The following CASZ1 variants were observed in gnomAD, a reference collection of about 807,000 sequenced individuals.
CASZ1 encodes the protein castor zinc finger 1, also known as zinc finger protein castor homolog 1.
In CASZ1, 28 loss-of-function variants were observed where a neutral mutation model predicts 135.2. That is an observed-to-expected ratio of 0.21 (90% CI 0.15 to 0.28). The LOEUF is 0.28. Ranked by LOEUF, CASZ1 falls within the 10% of genes least tolerant of loss-of-function variation. The pLI, the probability that CASZ1 is intolerant of heterozygous loss-of-function variation, is 1.00. For synonymous variants in CASZ1, 1,068 were observed against 1,073.4 expected, an observed-to-expected ratio of 0.99 and a Z score of 0.10; for missense variants, 2,161 against 2,453.3, an observed-to-expected ratio of 0.88 and a Z score of 2.52.
chr1:10,791,825 T>C (rs1416399390), intron 1 of CASZ1, among the ~76,000 whole-genome samples: 1 of 152,130 alleles, frequency 6.6e-6, no homozygotes, highest in East Asian at 1.9e-4. Context: ...AAGAAAGTCA[T>C]TAATTACTTA....
chr1:10,704,567 G>C (rs1220813337), intron 3 of CASZ1: 3 of 152,264 alleles, frequency 2.0e-5, no homozygotes, highest in Non-Finnish European at 4.4e-5. Flanking sequence ...GTCCTCCTGG[G>C]GGGAAGGGGG....
Position 10,639,898 on chromosome 1 carries a change from C to T in CASZ1, c.4324G>A (p.Asp1442Asn). Residue 1442 changes from aspartate (D) to asparagine (N), a missense_variant, in exon 21 of 21, where the codon GAC becomes AAC. Asp to Asn is a conservative substitution (Grantham distance 23). Around this residue, in one of 7 missense-constraint regions of CASZ1, gnomAD observed 240 missense variants for 321.4 expected, o/e 0.75. Transcript: ENST00000377022. This position sits in a 1 kb window ranked among gnomAD's most constrained non-coding sequence, Gnocchi z 4.0. ...EGFRRFDLYE[D>N]CKDAACQFSL... ...AACTGACAAGCTGCGTCCTTGCAGT[C>T]CTCGTAAAGGTCGAAGCGCCGGAAG... 6.2e-7 allele frequency: 1 copy of T among 1,612,854 alleles called. No individual in the cohort carries two copies. Among genetic ancestry groups the T allele is most frequent in the South Asian group, 1.1e-5 (1 of 91,050 alleles).
At chr1:10,656,228 C>G (rs1289275655) in intron 8 of CASZ1, among the ~76,000 whole-genome samples, 1 of 152,248 alleles carries the variant, frequency 6.6e-6, no homozygotes, top group Non-Finnish European at 1.5e-5. Context: ...CTCACCAGCC[C>G]CGCGCTCACT....
intron 4 of CASZ1, among the ~76,000 whole-genome samples, chr1:10,671,490 C>G (rs894391901): frequency 1.3e-5 from 2 of 152,178 alleles, no homozygotes; most frequent in African/African-American, 4.8e-5. Context: ...TCGGGTGAGC[C>G]TAGGACCCCC....
At chr1:10,722,589 G>A (rs1639519870) in intron 2 of CASZ1, among the ~76,000 whole-genome samples, 1 of 152,236 alleles carries the variant, frequency 6.6e-6, no homozygotes, top group African/African-American at 2.4e-5. Context: ...TGAAAACTGG[G>A]TGCTGGGAGC....
chr1:10,655,506 G>T, intron 9 of CASZ1, 143 bp downstream of exon 9: 1 of 816,942 alleles, frequency 1.2e-6, no homozygotes, highest in Non-Finnish European at 1.9e-6. Flanking sequence ...CCATCCCTGT[G>T]CTGGGCCAGG....
intron 1 of CASZ1, among the ~76,000 whole-genome samples, chr1:10,775,106 T>C (rs1323681223): frequency 2.6e-5 from 4 of 151,988 alleles, no homozygotes; most frequent in Non-Finnish European, 5.9e-5. Context: ...CCCTGGGCAA[T>C]ACACACGGCA....
chr1:10,696,445 C>T (rs1304101141), intron 3 of CASZ1, among the ~76,000 whole-genome samples: 1 of 152,258 alleles, frequency 6.6e-6, no homozygotes, highest in Non-Finnish European at 1.5e-5. Flanking sequence ...ACCGGGCACC[C>T]AGCACAGAGG....
At chr1:10,714,992 G>A (rs144263169) in intron 2 of CASZ1, among the ~76,000 whole-genome samples, 3 of 152,172 alleles carry the variant, frequency 2.0e-5, no homozygotes, top group Non-Finnish European at 4.4e-5. Context: ...CCGCTCAGCC[G>A]CGGGCCTAAC....
chr1:10,677,952 C>A (rs943777723), intron 4 of CASZ1, among the ~76,000 whole-genome samples: 1 of 152,194 alleles, frequency 6.6e-6, no homozygotes, highest in African/African-American at 2.4e-5. Context: ...TGGAGGCTGG[C>A]TGCGTGGCCT....
At position 10,734,278 on chromosome 1, in the gene CASZ1, G is replaced by GAA. The variant is rs36012614; in HGVS notation, c.-77+26421_-77+26422dup. 4.6e-3 allele frequency among the ~76,000 whole-genome samples: 470 copies of GAA among 101,758 alleles called. 12 individuals carry two copies. The highest frequency in any genetic ancestry group is 0.034 in the East Asian group (141 of 4,190). The allele number at this position is 101,758 out of a possible 152,430, so 66.8% of individuals were successfully genotyped here. ...AAGTCACCTGCCTGGGAAGAAGCAA[G>GAA]AAAAAAAAAAAAAAAAATCCCATGG... On this transcript the variant is annotated intron_variant, in intron 2 of 20. Coordinates refer to ENST00000377022, the MANE Select transcript of CASZ1 (RefSeq NM_001079843.3).
At chr1:10,653,053 T>G in intron 11 of CASZ1, 9 of 382,612 alleles carry the variant, frequency 2.4e-5, no homozygotes, top group East Asian at 6.5e-5. Flanking sequence ...GGACTTGGGA[T>G]GTGGGAGGGT....
intron 4 of CASZ1, among the ~76,000 whole-genome samples, chr1:10,686,890 C>T (rs994955425): frequency 2.0e-5 from 3 of 152,198 alleles, no homozygotes; most frequent in African/African-American, 7.2e-5. Context: ...GGGCAGATGC[C>T]GTGGGGCACC....
At chr1:10,722,622 C>T (rs1223526087) in intron 2 of CASZ1, among the ~76,000 whole-genome samples, 1 of 152,252 alleles carries the variant, frequency 6.6e-6, no homozygotes, top group Non-Finnish European at 1.5e-5. Flanking sequence ...GGCCCACTCA[C>T]AGGGGGGCAG....
At chr1:10,708,827 C>T (rs946689349) in intron 2 of CASZ1, among the ~76,000 whole-genome samples, 1 of 151,416 alleles carries the variant, frequency 6.6e-6, no homozygotes, top group African/African-American at 2.4e-5. Flanking sequence ...GGAAGGTGGG[C>T]TGGAGAGGGA....
chr1:10,694,926 C>T lies in CASZ1; in HGVS notation c.-23-1014G>A, dbSNP rs1456720621. Among the ~76,000 whole-genome samples, 50 of 143,864 alleles carry T rather than the reference C, an allele frequency of 3.5e-4. No individual in the cohort carries two copies. Among genetic ancestry groups the T allele is most frequent in the Non-Finnish European group, 1.5e-5 (1 of 64,838 alleles). The allele number at this position is 143,864 out of a possible 152,430, so 94.4% of individuals were successfully genotyped here. On this transcript the variant is annotated intron_variant, in intron 3 of 20. Transcript: ENST00000377022. The surrounding 1 kb of genome is among the most constrained non-coding windows in gnomAD (Gnocchi z 6.6). ...GCGCGCGCTCGCATGCTGCCAGCGGCCGCTCGGGCCCCGCGAGCGCGACCG... is the reference window on the plus strand; with the variant it reads ...GCGCGCGCTCGCATGCTGCCAGCGGTCGCTCGGGCCCCGCGAGCGCGACCG...
chr1:10,744,207 C>T (rs1258750367), intron 2 of CASZ1, among the ~76,000 whole-genome samples: 3 of 150,198 alleles, frequency 2.0e-5, no homozygotes, highest in African/African-American at 7.3e-5. Flanking sequence ...AATCCTGAAA[C>T]TTGCCCAAAG....
At position 10,694,035 on chromosome 1, in the gene CASZ1, C is replaced by G. The variant is rs1438693956; in HGVS notation, c.-23-123G>C. The G allele has an allele frequency of 4.7e-5, 38 of 816,894 alleles. No homozygotes were observed. Among genetic ancestry groups the G allele is most frequent in the Non-Finnish European group, 6.9e-5 (38 of 550,568 alleles). The allele number at this position is 816,894 out of a possible 1,614,324, so 50.6% of individuals were successfully genotyped here. On this transcript the variant is annotated intron_variant, in intron 3 of 20. Transcript: ENST00000377022. This position sits in a 1 kb window ranked among gnomAD's most constrained non-coding sequence, Gnocchi z 6.6. Reference sequence around the variant, plus strand: ...GCAGGAGCGGCCCGTCCCGGGCGGGCGCCGAGGCCGCGGCGGAGAAACTTT... The same window carrying G: ...GCAGGAGCGGCCCGTCCCGGGCGGGGGCCGAGGCCGCGGCGGAGAAACTTT...
rs56929957 is a variant in CASZ1 at position 10,699,920 on chromosome 1, A to T, written c.-24+5572T>A. Among the ~76,000 whole-genome samples the T allele has an allele frequency of 6.6e-6, 1 of 151,876 alleles. No individual in the cohort carries two copies. Among genetic ancestry groups the T allele is most frequent in the Admixed American group, 6.6e-5 (1 of 15,240 alleles). On this transcript the variant is annotated intron_variant, in intron 3 of 20. Coordinates refer to ENST00000377022, the MANE Select transcript of CASZ1 (RefSeq NM_001079843.3). This position sits in a 1 kb window ranked among gnomAD's most constrained non-coding sequence, Gnocchi z 4.6. ...AAACGTGGAGTGTGAGAGAAGAGAG[A>T]GGTAGGTGGGAAGAAAAAGGTGAGA... is the stretch of plus-strand genomic sequence containing the variant.
Sources: gnomAD v4.1 joint callset for allele counts (sites outside exome capture counted in the v4.1 genomes callset) on GRCh38, gnomAD v4.1.1 for gene constraint, gnomAD v4.1.1 regional missense constraint, Gnocchi (gnomAD v3.1) non-coding constraint, MANE v1.5 for transcripts, NCBI Gene and HGNC (gene_info 2026-07-23, HGNC 2026-07-21) for gene names.